The following KLF12 variants were observed in gnomAD, a reference collection of about 807,000 sequenced individuals.
The protein encoded by KLF12 is Krueppel-like factor 12.
Under a neutral mutation model 37.8 loss-of-function variants are expected in KLF12, and 9 were observed. That is an observed-to-expected ratio of 0.24 (90% confidence interval 0.14 to 0.42). The LOEUF is 0.42. Among genes scored for constraint, KLF12 ranks in the 10% least tolerant of loss-of-function variants. The probability of loss-of-function intolerance (pLI) is 1.00; values close to 1 mark genes in which losing one functional copy is unlikely to be tolerated. For missense variants in KLF12, 411 were observed against 516.0 expected, an observed-to-expected ratio of 0.80 and a Z score of 1.97; for synonymous variants, 208 against 202.1, an observed-to-expected ratio of 1.03 and a Z score of -0.25.
At chr13:73,738,109 A>ATT (rs1555299025) in intron 6 of KLF12, among the ~76,000 whole-genome samples, 1 of 83,968 alleles carries the variant, frequency 1.2e-5, no homozygotes, top group Non-Finnish European at 2.5e-5. Context: ...ATATATATAT[A>ATT]TATATATATA....
At chr13:73,884,585 T>C (rs998879041) in intron 3 of KLF12, among the ~76,000 whole-genome samples, 4 of 152,234 alleles carry the variant, frequency 2.6e-5, no homozygotes, top group Admixed American at 2.6e-4. Context: ...TCAGGGCCTG[T>C]ACTTCCCATC....
intron 3 of KLF12, among the ~76,000 whole-genome samples, chr13:73,858,955 G>A (rs532921818): frequency 2.0e-4 from 31 of 152,254 alleles, no homozygotes; most frequent in African/African-American, 6.0e-4. Context: ...ATTTTAAAAC[G>A]CAGGAAAAAA....
chr13:74,262,879 G>A, the KLF12 span, among the ~76,000 whole-genome samples: 1 of 152,158 alleles, frequency 6.6e-6, no homozygotes. Flanking sequence ...ATCTCACAGA[G>A]TCCCTAATGT....
chr13:74,192,697 G>A, the KLF12 span, among the ~76,000 whole-genome samples: 2 of 152,208 alleles, frequency 1.3e-5, no homozygotes. Flanking sequence ...ACACTTGGAT[G>A]TCTTACATTA....
At chr13:74,027,509 G>A (rs1421690447) in intron 1 of KLF12, among the ~76,000 whole-genome samples, 7 of 152,124 alleles carry the variant, frequency 4.6e-5, no homozygotes, top group Admixed American at 1.3e-4. Context: ...AGCTAAGGAG[G>A]AAGACAGAGT....
intron 3 of KLF12, among the ~76,000 whole-genome samples, chr13:73,873,295 G>C (rs1886557093): frequency 6.6e-6 from 1 of 152,080 alleles, no homozygotes; most frequent in Non-Finnish European, 1.5e-5. Context: ...CCATAAACAT[G>C]AAATGAACCA....
At chr13:74,016,364 T>C (rs1293836042) in intron 1 of KLF12, among the ~76,000 whole-genome samples, 1 of 151,942 alleles carries the variant, frequency 6.6e-6, no homozygotes, top group Non-Finnish European at 1.5e-5. Flanking sequence ...AGATTTGGTT[T>C]GTTTGTTTTT....
At chr13:74,210,132 T>A in the KLF12 span, among the ~76,000 whole-genome samples, 44 of 152,088 alleles carry the variant, frequency 2.9e-4, no homozygotes, top group African/African-American at 9.9e-4. Flanking sequence ...TTAGAAAGAG[T>A]TGATCCAGGT....
chr13:73,785,238 C>A (rs911008847), intron 5 of KLF12, among the ~76,000 whole-genome samples: 2 of 152,044 alleles, frequency 1.3e-5, no homozygotes, highest in East Asian at 1.9e-4. Context: ...GCCTCAGACA[C>A]CAAGTAGCTG....
chr13:74,099,878 C>T (rs1455631825), intron 1 of KLF12, among the ~76,000 whole-genome samples: 1 of 152,116 alleles, frequency 6.6e-6, no homozygotes, highest in Non-Finnish European at 1.5e-5. Flanking sequence ...GAAATACATA[C>T]TAAACAGTAC....
chr13:73,919,927 C>A (rs915767336), intron 3 of KLF12, among the ~76,000 whole-genome samples: 2 of 152,024 alleles, frequency 1.3e-5, no homozygotes, highest in Non-Finnish European at 2.9e-5. Context: ...ATTTTTCTCC[C>A]CTGAATTTTC....
At chr13:73,900,115 A>T (rs1887973414) in intron 3 of KLF12, among the ~76,000 whole-genome samples, 1 of 152,200 alleles carries the variant, frequency 6.6e-6, no homozygotes, top group Non-Finnish European at 1.5e-5. Context: ...AGACTCATGA[A>T]AAGTATAAAA....
chr13:74,058,102 G>A lies in KLF12; in HGVS notation c.-31-63049C>T, dbSNP rs190340682. On this transcript the variant is annotated intron_variant, in intron 1 of 7. Coordinates refer to ENST00000377669, the MANE Select transcript of KLF12 (RefSeq NM_007249.5). ...CTACCGCAGCCTCCCGGGTAGCTGG[G>A]AGTACAGGCATGCACCATCACGCCC... Among the ~76,000 whole-genome samples, 633 of 151,780 alleles carry A rather than the reference G, an allele frequency of 4.2e-3. 4 individuals carry two copies. Among genetic ancestry groups the A allele is most frequent in the African/African-American group, 0.014 (597 of 41,366 alleles).
intron 1 of KLF12, among the ~76,000 whole-genome samples, chr13:74,079,821 C>T (rs1437533869): frequency 6.6e-6 from 1 of 152,108 alleles, no homozygotes; most frequent in Admixed American, 6.5e-5. Flanking sequence ...AACAGTATGG[C>T]GGTTCCTCAA....
intron 4 of KLF12, among the ~76,000 whole-genome samples, chr13:73,840,826 T>C (rs1446983235): frequency 6.6e-6 from 1 of 151,890 alleles, no homozygotes; most frequent in Non-Finnish European, 1.5e-5. Context: ...TACCCTCCCC[T>C]TCCCTCCCCC....
At chr13:74,031,358 G>A (rs1893107099) in intron 1 of KLF12, among the ~76,000 whole-genome samples, 1 of 152,110 alleles carries the variant, frequency 6.6e-6, no homozygotes, top group Non-Finnish European at 1.5e-5. Flanking sequence ...CCAACAATAT[G>A]CTATATGTTG....
chr13:74,217,102 A>G, the KLF12 span, among the ~76,000 whole-genome samples: 2 of 152,198 alleles, frequency 1.3e-5, no homozygotes, highest in African/African-American at 4.8e-5. Flanking sequence ...AACTCAAATC[A>G]TAAATTTCTG....
chr13:73,714,420 A>C (rs1352298369), intron 7 of KLF12, among the ~76,000 whole-genome samples: 1 of 152,236 alleles, frequency 6.6e-6, no homozygotes, highest in African/African-American at 2.4e-5. Context: ...TGAGATGGGA[A>C]TCTGTTACAT....
At chr13:73,959,634 T>C (rs1890957772) in intron 2 of KLF12, among the ~76,000 whole-genome samples, 1 of 151,920 alleles carries the variant, frequency 6.6e-6, no homozygotes, top group South Asian at 2.1e-4. Context: ...TACATGTATA[T>C]GGTAATGTAC....
Sources: allele counts gnomAD v4.1 joint callset (sites outside exome capture counted in the v4.1 genomes callset), GRCh38; gene constraint gnomAD v4.1.1; transcripts MANE v1.5; gene names NCBI Gene and HGNC (gene_info 2026-07-23, HGNC 2026-07-21).